ZNF667: variants seen among roughly 807,000 people sequenced by gnomAD.
ZNF667 encodes myocardial ischemic preconditioning upregulated 1 ortholog.
ZNF667 carries 13 observed loss-of-function variants against 31.8 expected under a neutral mutation model. The observed-to-expected ratio is 0.41, with a 90% CI of 0.27 to 0.65. The LOEUF (loss-of-function observed/expected upper bound fraction) is 0.65, where lower values mean the gene tolerates loss of function less well. Among genes scored for constraint, ZNF667 ranks in the 30% least tolerant of loss-of-function variants. The pLI, the probability that ZNF667 is intolerant of heterozygous loss-of-function variation, is 0.32. For missense variants in ZNF667, 642 were observed against 725.6 expected, an observed-to-expected ratio of 0.88 and a Z score of 1.32; for synonymous variants, 228 against 247.1, an observed-to-expected ratio of 0.92 and a Z score of 0.73.
At chr19:56,458,272 A>T in intron 5 of ZNF667, 25 bp from the exon 6 acceptor site, 1 of 1,604,252 alleles carries the variant, frequency 6.2e-7, no homozygotes, top group Non-Finnish European at 8.5e-7. Context: ...AACATGGGAA[A>T]TGATCATAAA....
chr19:56,443,062 AG>A (rs888362120), intron 6 of ZNF667, among the ~76,000 whole-genome samples: 1 of 152,172 alleles, frequency 6.6e-6, no homozygotes, highest in Non-Finnish European at 1.5e-5. Context: ...TGTCCAGAAA[AG>A]GTAAGTCTAC....
intron 4 of ZNF667, 105 bp from the exon 5 acceptor site, chr19:56,460,920 A>T: frequency 1.6e-6 from 2 of 1,225,374 alleles, no homozygotes; most frequent in Non-Finnish European, 2.2e-6. Flanking sequence ...GGTACCAAGA[A>T]TCATTCAGGA....
chr19:56,470,037 C>T (rs767951931), intron 3 of ZNF667: 1 of 457,860 alleles, frequency 2.2e-6, no homozygotes, highest in East Asian at 6.9e-5. Flanking sequence ...CCGGACAATG[C>T]ATTGACCAAT....
chr19:56,458,340 A>C lies in ZNF667; in HGVS notation c.161-93T>G. 4 of 1,035,298 alleles carry C rather than the reference A, an allele frequency of 3.9e-6. No homozygotes were observed. In the East Asian group the frequency reaches 9.5e-5, roughly 25 times the overall value. 64.1% of individuals were successfully genotyped at this position (1,035,298 alleles called of 1,614,324 possible). On this transcript the variant is annotated intron_variant, in intron 5 of 6. Transcript: ENST00000504904. ...GCATCAACAGGAATGCAGGTTTAGT[A>C]GCATGAAGGGAGCACAGAGGATGTG...
Position 56,458,241 on chromosome 19 carries a change from G to A in ZNF667, c.167C>T (p.Ser56Phe), listed in dbSNP as rs1319864696. 6.2e-7 allele frequency: 1 copy of A among 1,613,886 alleles called. No homozygotes were observed. Among genetic ancestry groups the A allele is most frequent in the Non-Finnish European group, 8.5e-7 (1 of 1,179,866 alleles). ...GGTGATCACATTTGGTCTCCGAAAG[G>A]AAAGACCTGTACGTGGGACAAACAT... Reference protein sequence around the residue: ...NYRNLVSLGLSFRRPNVITLL... With the variant: ...NYRNLVSLGLFFRRPNVITLL... The change falls in exon 6 of 7, where the codon TCC (serine) becomes TTC (phenylalanine). Residue 56 changes from serine to phenylalanine, a missense_variant. Physicochemically the swap from Ser to Phe is radical, Grantham distance 155. Coordinates refer to ENST00000504904, the MANE Select transcript of ZNF667 (RefSeq NM_001321356.2).
In ZNF667 at chr19:56,440,859, G is replaced by A. The variant is rs1427760697; in HGVS notation, c.*303C>T. On this transcript the variant is annotated 3_prime_UTR_variant, in exon 7 of 7. Coordinates refer to ENST00000504904, the MANE Select transcript of ZNF667 (RefSeq NM_001321356.2). ...ACCGTGGTCTCAAACTCTTGACCTC[G>A]TGATCCGCCTGTCTCAGCCTCCCAA... 1.6e-5 allele frequency: 17 copies of A among 1,059,860 alleles called. No homozygotes were observed. Among genetic ancestry groups the A allele is most frequent in the African/African-American group, 1.6e-5 (1 of 60,978 alleles). The allele number at this position is 1,059,860 out of a possible 1,614,324, so 65.7% of individuals were successfully genotyped here.
chr19:56,466,541 C>A (rs1245338062), intron 3 of ZNF667, among the ~76,000 whole-genome samples: 1 of 152,100 alleles, frequency 6.6e-6, no homozygotes, highest in Non-Finnish European at 1.5e-5. Context: ...GTTAGAGGGA[C>A]CCCTGGTTAC....
In ZNF667 at chr19:56,440,782, G is replaced by C; in HGVS notation, c.*380C>G. On this transcript the variant is annotated 3_prime_UTR_variant, in exon 7 of 7. Transcript: ENST00000504904. ...CTCTCCAGTAGCTGAGATTACAGGT[G>C]CGCACCACCACGCCCAGCTAATTTT... 2 of 547,912 alleles carry C rather than the reference G, an allele frequency of 3.7e-6. No individual in the cohort carries two copies. Among genetic ancestry groups the C allele is most frequent in the Non-Finnish European group, 4.8e-6 (2 of 415,590 alleles). 33.9% of individuals were successfully genotyped at this position (547,912 alleles called of 1,614,324 possible).
rs529704105 is a variant in ZNF667 at position 56,465,231 on chromosome 19, A to C, written c.-59-2802T>G. ...AAAAGTACAGCAGGACACAGCCTGGAAAATGGAAATAATGGATGTTCCCTC... is the reference window on the plus strand; with the variant it reads ...AAAAGTACAGCAGGACACAGCCTGGCAAATGGAAATAATGGATGTTCCCTC... On this transcript the variant is annotated intron_variant, in intron 3 of 6. Coordinates refer to ENST00000504904, the MANE Select transcript of ZNF667 (RefSeq NM_001321356.2). Among the ~76,000 whole-genome samples, 196 of 152,340 alleles carry C rather than the reference A, an allele frequency of 1.3e-3. 1 individual carries two copies. The highest frequency in any genetic ancestry group is 2.3e-3 in the African/African-American group (96 of 41,578).
At chr19:56,461,171 G>A (rs1399134579) in intron 4 of ZNF667, among the ~76,000 whole-genome samples, 1 of 152,132 alleles carries the variant, frequency 6.6e-6, no homozygotes, top group African/African-American at 2.4e-5. Flanking sequence ...TTACAGATGA[G>A]GAAACTGAGG....
chr19:56,443,740 A>T (rs2042665858), intron 6 of ZNF667, among the ~76,000 whole-genome samples: 2 of 152,212 alleles, frequency 1.3e-5, no homozygotes, highest in African/African-American at 2.4e-5. Context: ...AAGCAGGAAA[A>T]GCTCAGAAAA....
Position 56,442,055 on chromosome 19 carries a change from C to T in ZNF667, c.940G>A (p.Ala314Thr). 6.2e-7 allele frequency: 1 copy of T among 1,614,088 alleles called. No homozygotes were observed. The highest frequency in any genetic ancestry group is 1.1e-5 in the South Asian group (1 of 91,068). Reference protein sequence around the residue: ...AGEKIPENAKALSQSLQQRSH... With the variant: ...AGEKIPENAKTLSQSLQQRSH... ...CTTTGCTGTAGACTCTGACTTAAGGCCTTCGCATTTTCAGGGATTTTCTCT... is the reference window on the plus strand; with the variant it reads ...CTTTGCTGTAGACTCTGACTTAAGGTCTTCGCATTTTCAGGGATTTTCTCT... The change falls in exon 7 of 7, where the codon GCC becomes ACC. Residue 314 changes from alanine to threonine, a missense_variant. Ala to Thr is a moderately conservative substitution (Grantham distance 58, BLOSUM62 0). Transcript: ENST00000504904.
intron 5 of ZNF667, among the ~76,000 whole-genome samples, chr19:56,459,043 A>G (rs1388631039): frequency 2.0e-5 from 3 of 152,066 alleles, no homozygotes; most frequent in African/African-American, 7.2e-5. Flanking sequence ...CACTATCTCC[A>G]GGTAGACAGT....
At chr19:56,470,141 G>T in intron 3 of ZNF667, 1 of 417,536 alleles carries the variant, frequency 2.4e-6, no homozygotes, top group Non-Finnish European at 4.9e-6. Flanking sequence ...GGAGGACAAA[G>T]GGCTGCTGGA....
At position 56,458,197 on chromosome 19, in the gene ZNF667, C is replaced by G; in HGVS notation, c.211G>C (p.Ala71Pro). 6.2e-7 allele frequency: 1 copy of G among 1,614,198 alleles called. No individual in the cohort carries two copies. The highest frequency in any genetic ancestry group is 8.5e-7 in the Non-Finnish European group (1 of 1,180,038). The stretch of plus-strand genomic sequence containing the variant: ...CTTACTGGCTCTACCATCCAGGGTG[C>G]TTTCCCTTTCTCCAATAAGGTGATC... ...NVITLLEKGK[A>P]PWMVEPVRRR... Residue 71 changes from alanine to proline, a missense_variant, in exon 6 of 7, where the codon GCA becomes CCA. Ala to Pro is a conservative substitution (Grantham distance 27). Transcript: ENST00000504904.
Position 56,440,776 on chromosome 19 carries a change from A to C in ZNF667, c.*386T>G. On this transcript the variant is annotated 3_prime_UTR_variant, in exon 7 of 7. Transcript: ENST00000504904. ...CTCAGCCTCTCCAGTAGCTGAGATT[A>C]CAGGTGCGCACCACCACGCCCAGCT... is the stretch of plus-strand genomic sequence containing the variant. 1.9e-6 allele frequency: 1 copy of C among 514,338 alleles called. No individual in the cohort carries two copies. Among genetic ancestry groups the C allele is most frequent in the Non-Finnish European group, 2.6e-6 (1 of 387,474 alleles). 31.9% of individuals were successfully genotyped at this position (514,338 alleles called of 1,614,324 possible).
intron 1 of ZNF667, among the ~76,000 whole-genome samples, chr19:56,476,756 C>T (rs1158358586): frequency 6.6e-6 from 1 of 152,206 alleles, no homozygotes; most frequent in Non-Finnish European, 1.5e-5. Flanking sequence ...CAGTCACACA[C>T]TCATAACCGC....
chr19:56,455,855 G>C (rs1412944194), intron 6 of ZNF667, among the ~76,000 whole-genome samples: 1 of 152,138 alleles, frequency 6.6e-6, no homozygotes, highest in Admixed American at 6.5e-5. Context: ...CTATATGCCT[G>C]TATTGAAATA....
chr19:56,462,325 A>G lies in ZNF667; in HGVS notation c.33+13T>C. On this transcript the variant is annotated intron_variant, in intron 4 of 6. Coordinates refer to ENST00000504904, the MANE Select transcript of ZNF667 (RefSeq NM_001321356.2). The stretch of plus-strand genomic sequence containing the variant: ...GATGGGGTGTTCCGGAAGGAAGAGG[A>G]ATTGCCACTTACCTTGGATTTGGAT... The G allele has an allele frequency of 6.2e-7, 1 of 1,614,210 alleles. No individual in the cohort carries two copies. Among genetic ancestry groups the G allele is most frequent in the Non-Finnish European group, 8.5e-7 (1 of 1,180,016 alleles).
Sources: gnomAD v4.1 joint callset for allele counts (sites outside exome capture counted in the v4.1 genomes callset) on GRCh38, gnomAD v4.1.1 for gene constraint, MANE v1.5 for transcripts, NCBI Gene and HGNC (gene_info 2026-07-23, HGNC 2026-07-21) for gene names.